ESYT2: variants seen among roughly 807,000 people sequenced by gnomAD.
ESYT2 encodes extended synaptotagmin 2.
ESYT2 carries 54 observed loss-of-function variants against 107.2 expected under a neutral mutation model. The ratio of observed to expected loss-of-function variants is 0.50; its 90% confidence interval spans 0.40 to 0.63. The LOEUF (loss-of-function observed/expected upper bound fraction) is 0.63. Among genes scored for constraint, ESYT2 ranks in the 30% least tolerant of loss-of-function variants. The pLI, the probability that ESYT2 is intolerant of heterozygous loss-of-function variation, is 0.00. For synonymous variants in ESYT2, 491 were observed against 434.1 expected (o/e 1.13, Z -1.63); for missense variants, 1,020 against 1,094.5 (o/e 0.93, Z 0.96).
intron 10 of ESYT2, among the ~76,000 whole-genome samples, chr7:158,762,000 T>TGAAC (rs1379491520): frequency 6.6e-6 from 1 of 152,166 alleles, no homozygotes; most frequent in Admixed American, 6.5e-5. Flanking sequence ...ACTCGCACAG[T>TGAAC]GAACGCTAAC....
At chr7:158,744,080 C>T (rs1224710501) in intron 16 of ESYT2, 4 of 172,606 alleles carry the variant, frequency 2.3e-5, no homozygotes, top group Non-Finnish European at 4.9e-5. Flanking sequence ...AACAAACAAA[C>T]AAATGTAGAA....
At chr7:158,793,069 A>C (rs144781873) in intron 4 of ESYT2, among the ~76,000 whole-genome samples, 3 of 148,682 alleles carry the variant, frequency 2.0e-5, no homozygotes, top group Admixed American at 2.0e-4. Flanking sequence ...CGCCCGGCCC[A>C]CTGAGTATGT....
At chr7:158,781,982 G>GAT (rs1838851964) in intron 6 of ESYT2, among the ~76,000 whole-genome samples, 1 of 18,994 alleles carries the variant, frequency 5.3e-5, no homozygotes, top group South Asian at 1.3e-3. Flanking sequence ...CAAAGTGTGA[G>GAT]ATGTGTGTAA....
rs892243224 is a variant in ESYT2 at position 158,826,169 on chromosome 7, A to G, written c.330+2920T>C. On this transcript the variant is annotated intron_variant, in intron 1 of 22. Transcript: ENST00000275418. ...AGAATTTCAGGCACACTTCGAGACCATGCAACCTGCTGGTTTTATTATGAA... is the reference window on the plus strand; with the variant it reads ...AGAATTTCAGGCACACTTCGAGACCGTGCAACCTGCTGGTTTTATTATGAA... Among the ~76,000 whole-genome samples, 3 of 152,342 alleles carry G rather than the reference A, an allele frequency of 2.0e-5. No individual in the cohort carries two copies. In the South Asian group the frequency reaches 6.2e-4, roughly 32 times the overall value.
At chr7:158,752,681 T>C (rs1420789316) in intron 14 of ESYT2, 100 bp downstream of exon 14, 2 of 717,046 alleles carry the variant, frequency 2.8e-6, no homozygotes, top group Admixed American at 3.0e-5. Flanking sequence ...AATTACTACA[T>C]AAATATGGGA....
chr7:158,792,572 A>G (rs921538075), intron 4 of ESYT2, among the ~76,000 whole-genome samples: 6 of 145,640 alleles, frequency 4.1e-5, no homozygotes, highest in African/African-American at 1.6e-4. Flanking sequence ...ACATACATAT[A>G]TATAAATATA....
intron 6 of ESYT2, among the ~76,000 whole-genome samples, chr7:158,782,464 ACGAG>A (rs1838927338): frequency 6.6e-6 from 1 of 151,372 alleles, no homozygotes; most frequent in Non-Finnish European, 1.5e-5. Context: ...AAGTGAGTGA[ACGAG>A]TGTGAGAACA....
intron 1 of ESYT2, among the ~76,000 whole-genome samples, chr7:158,815,112 T>C (rs573053621): frequency 2.6e-5 from 4 of 152,362 alleles, no homozygotes; most frequent in Non-Finnish European, 4.4e-5. Context: ...GAGCCTGCAA[T>C]GAGTGCTAAG....
Position 158,736,869 on chromosome 7 carries a change from C to T in ESYT2, c.2399+179G>A, listed in dbSNP as rs6961811. On this transcript the variant is annotated intron_variant, in intron 20 of 22. Transcript: ENST00000275418. ...CTTGAATTTACTGTATTTAGAGCTTCTACATGAAGGTCAAAATGCTTATTT... is the reference window on the plus strand; with the variant it reads ...CTTGAATTTACTGTATTTAGAGCTTTTACATGAAGGTCAAAATGCTTATTT... Among the ~76,000 whole-genome samples, 36,036 of 151,914 alleles carry T rather than the reference C, an allele frequency of 0.24. 5,138 individuals are homozygous for T. The highest frequency in any genetic ancestry group is 0.59 in the East Asian group (3,056 of 5,150).
intron 1 of ESYT2, among the ~76,000 whole-genome samples, chr7:158,827,174 A>AAAG (rs1554429175): frequency 3.3e-5 from 5 of 151,888 alleles, no homozygotes; most frequent in Admixed American, 1.3e-4. Context: ...AAAAAAAAAA[A>AAAG]AAAAGAAAAG....
intron 3 of ESYT2, among the ~76,000 whole-genome samples, chr7:158,795,587 CGT>C (rs1839433323): frequency 8.7e-6 from 1 of 115,422 alleles, no homozygotes; most frequent in Non-Finnish European, 1.9e-5. Context: ...CCTGCGGCCA[CGT>C]ACAGACAGAG....
At chr7:158,735,449 A>G in intron 21 of ESYT2, 54 bp downstream of exon 21, 1 of 1,487,954 alleles carries the variant, frequency 6.7e-7, no homozygotes, top group African/African-American at 1.4e-5. Flanking sequence ...ACTGCAGGTA[A>G]ATGTTCAATT....
rs554154275 is a variant in ESYT2, at chr7:158,799,195, C to G, written c.331-123G>C. 2.8e-5 allele frequency: 24 copies of G among 869,584 alleles called. No individual in the cohort carries two copies. The African/African-American group carries it at 3.2e-4, about 11-fold the overall frequency. 53.9% of individuals were successfully genotyped at this position (869,584 alleles called of 1,614,324 possible). On this transcript the variant is annotated intron_variant, in intron 1 of 22. Coordinates refer to ENST00000275418, the MANE Select transcript of ESYT2 (RefSeq NM_001367773.1). ...TTACAAGATGCTTCTTTAAAACACT[C>G]TGCTCTAAAGCTTGGGAAACTGGTC...
chr7:158,742,054 C>G (rs895758171), intron 17 of ESYT2, among the ~76,000 whole-genome samples, 158 bp from the exon 18 acceptor site: 4 of 152,168 alleles, frequency 2.6e-5, no homozygotes, highest in African/African-American at 4.8e-5. Context: ...CAAAATGTCA[C>G]TTCTGTGATA....
At chr7:158,780,851 G>C (rs10260769) in intron 6 of ESYT2, among the ~76,000 whole-genome samples, 1,953 of 152,324 alleles carry the variant, frequency 0.013, 47 homozygotes, top group African/African-American at 0.044. Flanking sequence ...TGAGCACAGG[G>C]AATGGTGAAG....
At chr7:158,769,093 C>T (rs985630664) in intron 7 of ESYT2, among the ~76,000 whole-genome samples, 2 of 152,052 alleles carry the variant, frequency 1.3e-5, no homozygotes, top group Admixed American at 6.5e-5. Flanking sequence ...ATTCTGAGAC[C>T]GTGATAATCG....
rs1006612822 is a variant in ESYT2, at chr7:158,758,629, C to T, written c.1419+857G>A. Reference sequence around the variant, plus strand: ...GGGGAGGAAAGAAACTTCTGCACCGCGTGGCAGCAGTCTTTCTTCCAACAA... The same window carrying T: ...GGGGAGGAAAGAAACTTCTGCACCGTGTGGCAGCAGTCTTTCTTCCAACAA... On this transcript the variant is annotated intron_variant, in intron 13 of 22. Transcript: ENST00000275418. Among the ~76,000 whole-genome samples, 9 of 152,234 alleles carry T rather than the reference C, an allele frequency of 5.9e-5. No individual in the cohort carries two copies. In the East Asian group the frequency reaches 1.4e-3, roughly 23 times the overall value.
At chr7:158,756,055 T>C (rs1239894263) in intron 13 of ESYT2, among the ~76,000 whole-genome samples, 1 of 152,182 alleles carries the variant, frequency 6.6e-6, no homozygotes. Context: ...AAATACCTGC[T>C]CTTCAAGTTT....
In ESYT2 at chr7:158,749,704, C is replaced by T; in HGVS notation, c.1502G>A (p.Ser501Asn). The change falls in exon 15 of 23, where the codon AGC (serine) becomes AAC (asparagine). Residue 501 changes from serine to asparagine, a missense_variant. Transcript: ENST00000275418. ...CATCTGGACAACAGGATTTGGGTTGCTGCTTATTTTCTTCCCTGACTACCC... is the reference window on the plus strand; with the variant it reads ...CATCTGGACAACAGGATTTGGGTTGTTGCTTATTTTCTTCCCTGACTACCC... Reference protein sequence around the residue: ...RALKSGKKISSNPNPVVQMSV... With the variant: ...RALKSGKKISNNPNPVVQMSV... 1.2e-6 allele frequency: 2 copies of T among 1,613,926 alleles called. No individual in the cohort carries two copies. The highest frequency in any genetic ancestry group is 2.7e-5 in the African/African-American group (2 of 75,042).
Sources: gnomAD v4.1 joint callset for allele counts (sites outside exome capture counted in the v4.1 genomes callset) on GRCh38, gnomAD v4.1.1 for gene constraint, MANE v1.5 for transcripts, NCBI Gene and HGNC (gene_info 2026-07-23, HGNC 2026-07-21) for gene names.